Variants in ERLIN2 observed in about 807,000 individuals in gnomAD.
ERLIN2 encodes the protein ER lipid raft associated 2, also known as erlin-2.
A neutral mutation model predicts 41.5 loss-of-function variants in ERLIN2; 22 were observed. The observed-to-expected ratio is 0.53, with a 90% CI of 0.38 to 0.76. The LOEUF is 0.76. ERLIN2 is among the 30% of genes least tolerant of loss of function. The pLI is 0.00. For synonymous variants in ERLIN2, 149 were observed against 150.9 expected, an observed-to-expected ratio of 0.99 and a Z score of 0.09; for missense variants, 247 against 414.3, an observed-to-expected ratio of 0.60 and a Z score of 3.51.
At position 37,739,506 on chromosome 8, in the gene ERLIN2, C is replaced by T. The variant is rs575124521; in HGVS notation, c.108-859C>T. On this transcript the variant is annotated intron_variant, in intron 2 of 11. Coordinates refer to ENST00000519638, the MANE Select transcript of ERLIN2 (RefSeq NM_007175.8). ...ATCTTTTTTTTTTTTGAGACAGTCT[C>T]GCTGTGTTGCCCAGGCTGGAGTGCA... is the stretch of plus-strand genomic sequence containing the variant. Among the ~76,000 whole-genome samples, 5 of 151,836 alleles carry T rather than the reference C, an allele frequency of 3.3e-5. No homozygotes were observed. The East Asian group carries it at 5.8e-4, about 18-fold the overall frequency.
At chr8:37,745,625 T>G (rs558404336) in intron 6 of ERLIN2, 35 of 1,614,078 alleles carry the variant, frequency 2.2e-5, no homozygotes, top group South Asian at 1.3e-4. Context: ...AGCAAGAACA[T>G]TTTTCATAGC....
chr8:37,739,500 C>G lies in ERLIN2; in HGVS notation c.108-865C>G, dbSNP rs539547067. Among the ~76,000 whole-genome samples the G allele has an allele frequency of 1.8e-3, 278 of 151,308 alleles. 2 individuals are homozygous for G. The highest frequency in any genetic ancestry group is 3.4e-3 in the Admixed American group (52 of 15,204). On this transcript the variant is annotated intron_variant, in intron 2 of 11. Transcript: ENST00000519638. Reference sequence around the variant, plus strand: ...CTTCTTATCTTTTTTTTTTTTGAGACAGTCTCGCTGTGTTGCCCAGGCTGG... The same window carrying G: ...CTTCTTATCTTTTTTTTTTTTGAGAGAGTCTCGCTGTGTTGCCCAGGCTGG...
At chr8:37,748,284 A>G (rs1803125304) in intron 6 of ERLIN2, among the ~76,000 whole-genome samples, 1 of 152,242 alleles carries the variant, frequency 6.6e-6, no homozygotes, top group Non-Finnish European at 1.5e-5. Context: ...CTTATGGAGG[A>G]TACGGGCCAT....
At chr8:37,748,451 A>G (rs1276905331) in intron 6 of ERLIN2, among the ~76,000 whole-genome samples, 2 of 152,202 alleles carry the variant, frequency 1.3e-5, no homozygotes, top group Non-Finnish European at 2.9e-5. Flanking sequence ...CACATCCTAT[A>G]TGTGGAAACG....
Position 37,751,664 on chromosome 8 carries a change from G to C in ERLIN2, c.688G>C (p.Gly230Arg). ...KVAQVAEITY[G>R]QKVMEKETEK... is the part of the protein sequence containing the mutation. Reference sequence around the variant, plus strand: ...GGCCCAGGTGGCTGAGATCACCTACGGGCAGAAGGTGATGGAGAAGGAGAC... The same window carrying C: ...GGCCCAGGTGGCTGAGATCACCTACCGGCAGAAGGTGATGGAGAAGGAGAC... The change falls in exon 10 of 12, where the codon GGG becomes CGG. Residue 230 changes from glycine (G) to arginine (R), a missense_variant. This residue lies in a region of ERLIN2 where 153 missense variants were observed against 256.4 expected (regional missense o/e 0.60). Transcript: ENST00000519638. The C allele has an allele frequency of 6.2e-7, 1 of 1,613,914 alleles. No homozygotes were observed. The highest frequency in any genetic ancestry group is 8.5e-7 in the Non-Finnish European group (1 of 1,179,800).
chr8:37,746,840 A>G (rs1391447708), intron 6 of ERLIN2, among the ~76,000 whole-genome samples: 3 of 152,258 alleles, frequency 2.0e-5, no homozygotes, highest in East Asian at 3.8e-4. Context: ...GACAGTAGAA[A>G]GATTCAAACC....
intron 6 of ERLIN2, chr8:37,746,590 G>A (rs985749551): frequency 1.1e-6 from 1 of 904,898 alleles, no homozygotes; most frequent in Non-Finnish European, 1.3e-6. Context: ...AATCTATAAT[G>A]TATCCCTCCT....
rs1444048674 is a variant in ERLIN2 at position 37,741,754 on chromosome 8, T to G, written c.190-18T>G. 3.7e-6 allele frequency: 6 copies of G among 1,607,806 alleles called. No individual in the cohort carries two copies. The highest frequency in any genetic ancestry group is 5.1e-6 in the Non-Finnish European group (6 of 1,174,152). On this transcript the variant is annotated intron_variant, in intron 3 of 11. Coordinates refer to ENST00000519638, the MANE Select transcript of ERLIN2 (RefSeq NM_007175.8). The surrounding 1 kb of genome is among the most constrained non-coding windows in gnomAD (Gnocchi z 4.8). The stretch of plus-strand genomic sequence containing the variant: ...TCACTGCCCATCTTCTAGCACTTTA[T>G]GTTTCCTCTGTTTCCAGACCACACT...
At position 37,737,897 on chromosome 8, in the gene ERLIN2, C is replaced by T; in HGVS notation, c.-15-11C>T. 1 of 1,613,914 alleles carries T rather than the reference C, an allele frequency of 6.2e-7. No homozygotes were observed. The highest frequency in any genetic ancestry group is 8.5e-7 in the Non-Finnish European group (1 of 1,179,964). On this transcript the variant is annotated splice_polypyrimidine_tract_variant and intron_variant, in intron 1 of 11. Transcript: ENST00000519638. ...TTGGACCACACACATTTTCCCGTGT[C>T]TTTTCCCTAGGATAAAGGCTCACTG... is the stretch of plus-strand genomic sequence containing the variant.
chr8:37,737,572 T>C, intron 1 of ERLIN2: 1 of 345,910 alleles, frequency 2.9e-6, no homozygotes, highest in Non-Finnish European at 5.6e-6. Flanking sequence ...CTACTACTGG[T>C]AGGAAAGGTT....
chr8:37,751,231 G>A (rs377204766), intron 9 of ERLIN2, among the ~76,000 whole-genome samples: 38 of 152,328 alleles, frequency 2.5e-4, no homozygotes, highest in African/African-American at 8.4e-4. Context: ...GTGGAACTGG[G>A]GTTCAAACCA....
At chr8:37,751,908 C>T (rs1352314066) in intron 10 of ERLIN2, among the ~76,000 whole-genome samples, 193 bp downstream of exon 10, 2 of 152,234 alleles carry the variant, frequency 1.3e-5, no homozygotes, top group African/African-American at 4.8e-5. Context: ...TTTTCTACTT[C>T]AGAGAGCATT....
At chr8:37,751,148 C>T (rs1388534449) in intron 9 of ERLIN2, among the ~76,000 whole-genome samples, 1 of 152,184 alleles carries the variant, frequency 6.6e-6, no homozygotes, top group Non-Finnish European at 1.5e-5. Context: ...CTGTATTATC[C>T]TTAACCTCAT....
intron 11 of ERLIN2, 25 bp from the exon 12 acceptor site, chr8:37,753,890 T>G (rs1803291995): frequency 6.3e-7 from 1 of 1,593,732 alleles, no homozygotes; most frequent in African/African-American, 1.3e-5. Flanking sequence ...ACATAAGTCT[T>G]CCATACTTTT....
intron 6 of ERLIN2, chr8:37,747,632 C>T (rs755637234): frequency 2.2e-5 from 36 of 1,611,298 alleles, no homozygotes; most frequent in Admixed American, 3.3e-5. Flanking sequence ...TTCCCAAAGC[C>T]CTGGCCAAAC....
chr8:37,744,878 G>T (rs574011339), intron 6 of ERLIN2, 182 bp downstream of exon 6: 5 of 731,368 alleles, frequency 6.8e-6, no homozygotes, highest in Non-Finnish European at 1.2e-5. Flanking sequence ...TGATAGCTAT[G>T]CAACAAGATC....
intron 10 of ERLIN2, among the ~76,000 whole-genome samples, chr8:37,752,298 TCTTA>T (rs780397811): frequency 6.6e-6 from 1 of 152,158 alleles, no homozygotes; most frequent in African/African-American, 2.4e-5. Context: ...ACTGCCCACC[TCTTA>T]CTTCTTGGGG....
intron 10 of ERLIN2, 31 bp from the exon 11 acceptor site, chr8:37,753,419 C>A: frequency 6.3e-7 from 1 of 1,593,128 alleles, no homozygotes; most frequent in South Asian, 1.1e-5. Context: ...TTTAGCACTT[C>A]ACCAAGTTCA....
rs1802854157 is a variant in ERLIN2 at position 37,741,585 on chromosome 8, T to C, written c.190-187T>C. 1.3e-5 allele frequency among the ~76,000 whole-genome samples: 2 copies of C among 152,188 alleles called. No individual in the cohort carries two copies. Among genetic ancestry groups the C allele is most frequent in the Non-Finnish European group, 2.9e-5 (2 of 68,034 alleles). On this transcript the variant is annotated intron_variant, in intron 3 of 11. Coordinates refer to ENST00000519638, the MANE Select transcript of ERLIN2 (RefSeq NM_007175.8). The surrounding 1 kb of genome is among the most constrained non-coding windows in gnomAD (Gnocchi z 4.8). ...TGTGGTGGTTCACTTATAGTGAGGC[T>C]GGGGCACGGGCCTTTACTTGGCTTA...
Sources: gnomAD v4.1 joint callset for allele counts (sites outside exome capture counted in the v4.1 genomes callset) on GRCh38, gnomAD v4.1.1 for gene constraint, gnomAD v4.1.1 regional missense constraint, Gnocchi (gnomAD v3.1) non-coding constraint, MANE v1.5 for transcripts, NCBI Gene and HGNC (gene_info 2026-07-23, HGNC 2026-07-21) for gene names.